Variants in CACNA1C observed in about 807,000 individuals in gnomAD.
The protein encoded by CACNA1C is voltage-dependent L-type calcium channel subunit alpha-1C.
Under a neutral mutation model 229.0 loss-of-function variants are expected in CACNA1C, and 30 were observed. The ratio of observed to expected loss-of-function variants is 0.13; its 90% CI spans 0.10 to 0.18. CACNA1C has a LOEUF of 0.18. Ranked by LOEUF, CACNA1C falls within the 10% of genes least tolerant of loss-of-function variation. The pLI is 1.00. For synonymous variants in CACNA1C, 1,114 were observed against 1,132.5 expected, an observed-to-expected ratio of 0.98 and a Z score of 0.33; for missense variants, 1,658 against 2,845.0, an observed-to-expected ratio of 0.58 and a Z score of 9.49.
At chr12:2,517,781 G>A (rs150617586) in intron 9 of CACNA1C, among the ~76,000 whole-genome samples, 4 of 152,278 alleles carry the variant, frequency 2.6e-5, no homozygotes, top group African/African-American at 9.6e-5. Flanking sequence ...TTCCAGCTCC[G>A]ACGTTAAATC....
At chr12:2,584,350 G>A (rs2061637417) in intron 15 of CACNA1C, among the ~76,000 whole-genome samples, 153 bp from the exon 16 acceptor site, 1 of 152,072 alleles carries the variant, frequency 6.6e-6, no homozygotes, top group Admixed American at 6.5e-5. Context: ...GGGAGGGGAG[G>A]AACACTGTTG....
chr12:2,600,729 C>T (rs567788756), intron 21 of CACNA1C, among the ~76,000 whole-genome samples: 2 of 152,356 alleles, frequency 1.3e-5, no homozygotes, highest in South Asian at 4.1e-4. Flanking sequence ...TGTGTGTTCT[C>T]TTTTTAAAAG....
chr12:2,004,436 C>T (rs528219256), intron 1 of CACNA1C: 147 of 1,606,766 alleles, frequency 9.1e-5, no homozygotes, highest in Non-Finnish European at 1.2e-4. Context: ...TGCCATCTTC[C>T]CTCCCTCCCA....
At position 2,319,731 on chromosome 12, in the gene CACNA1C, G is replaced by T. The variant is rs372451096; in HGVS notation, c.478-129245G>T. Among the ~76,000 whole-genome samples, 6 of 152,272 alleles carry T rather than the reference G, an allele frequency of 3.9e-5. No homozygotes were observed. The East Asian group carries it at 1.2e-3, about 29-fold the overall frequency. On this transcript the variant is annotated intron_variant, in intron 3 of 46. Transcript: ENST00000399655. The surrounding 1 kb of genome is among the most constrained non-coding windows in gnomAD (Gnocchi z 4.0). ...TGCAAATGTTGGTGCTCACGGGGGT[G>T]TGCTGGGCCGGGAGAGGATGAGCAT...
At chr12:2,474,805 C>A (rs1357371017) in intron 5 of CACNA1C, among the ~76,000 whole-genome samples, 1 of 151,478 alleles carries the variant, frequency 6.6e-6, no homozygotes, top group Non-Finnish European at 1.5e-5. Context: ...GAAATGCAGG[C>A]CACTTTTTCT....
At chr12:2,185,542 G>A (rs2096971432) in intron 3 of CACNA1C, among the ~76,000 whole-genome samples, 1 of 152,324 alleles carries the variant, frequency 6.6e-6, no homozygotes, top group Middle Eastern at 3.4e-3. Flanking sequence ...AATATGATTG[G>A]ATTTATAAAA....
At position 2,602,447 on chromosome 12, in the gene CACNA1C, C is replaced by T. The variant is rs542958618; in HGVS notation, c.2960+487C>T. On this transcript the variant is annotated intron_variant, in intron 22 of 46. Transcript: ENST00000399655. This position sits in a 1 kb window ranked among gnomAD's most constrained non-coding sequence, Gnocchi z 4.4. ...TGTAAGTGTGGGGTGTATGTGTGCACGTGTGTGGATGTGTGGGGTGTGTGT... is the reference window on the plus strand; with the variant it reads ...TGTAAGTGTGGGGTGTATGTGTGCATGTGTGTGGATGTGTGGGGTGTGTGT... 7.9e-5 allele frequency among the ~76,000 whole-genome samples: 12 copies of T among 151,616 alleles called. No homozygotes were observed. The highest frequency in any genetic ancestry group is 7.8e-4 in the East Asian group (4 of 5,152).
At chr12:2,258,521 C>T (rs1050512648) in intron 3 of CACNA1C, among the ~76,000 whole-genome samples, 4 of 152,002 alleles carry the variant, frequency 2.6e-5, no homozygotes, top group African/African-American at 9.7e-5. Context: ...CTTTGGAGGA[C>T]GGTGTTATCT....
chr12:2,564,948 C>G (rs1221850575), intron 11 of CACNA1C, among the ~76,000 whole-genome samples: 1 of 152,152 alleles, frequency 6.6e-6, no homozygotes, highest in African/African-American at 2.4e-5. Context: ...CCTGCAGTCT[C>G]CTCCTCAGCA....
chr12:2,528,610 C>G (rs1158007269), intron 9 of CACNA1C, among the ~76,000 whole-genome samples: 1 of 152,224 alleles, frequency 6.6e-6, no homozygotes, highest in African/African-American at 2.4e-5. Context: ...ATGTGCCAAT[C>G]ACGGAGACAC....
At chr12:2,300,626 A>G (rs1395589212) in intron 3 of CACNA1C, among the ~76,000 whole-genome samples, 1 of 152,190 alleles carries the variant, frequency 6.6e-6, no homozygotes, top group African/African-American at 2.4e-5. Flanking sequence ...CCTTCTCTAA[A>G]AAAATAATAA....
intron 3 of CACNA1C, among the ~76,000 whole-genome samples, chr12:2,200,848 C>T (rs1268623748): frequency 6.6e-6 from 1 of 152,096 alleles, no homozygotes; most frequent in African/African-American, 2.4e-5. Context: ...AGGAGTCAGA[C>T]AGCAAGTGCT....
rs188158726 is a variant in CACNA1C at position 2,081,927 on chromosome 12, C to T, written c.49+28316C>T. Reference sequence around the variant, plus strand: ...TCACTAGAATAACAACTAATATATGCGGAGTTCTTACTGTGTGCCAAGGTC... The same window carrying T: ...TCACTAGAATAACAACTAATATATGTGGAGTTCTTACTGTGTGCCAAGGTC... On this transcript the variant is annotated intron_variant, in intron 1 of 46. Coordinates refer to ENST00000399655, the MANE Select transcript of CACNA1C (RefSeq NM_000719.7). 1.7e-4 allele frequency among the ~76,000 whole-genome samples: 26 copies of T among 152,234 alleles called. No homozygotes were observed. The East Asian group carries it at 3.9e-3, about 23-fold the overall frequency.
At chr12:2,177,587 C>CCCTTCCTTCCTTCCTT (rs1555274712) in intron 3 of CACNA1C, among the ~76,000 whole-genome samples, 26 of 78,520 alleles carry the variant, frequency 3.3e-4, no homozygotes, top group Non-Finnish European at 4.5e-4. Flanking sequence ...CTCCCTCCCT[C>CCCTTCCTTCCTTCCTT]CCTTCCTTCC....
chr12:2,643,087 C>T (rs1035348788), intron 30 of CACNA1C, among the ~76,000 whole-genome samples: 1 of 152,192 alleles, frequency 6.6e-6, no homozygotes, highest in Non-Finnish European at 1.5e-5. Context: ...GCTGGGAGCC[C>T]GGCTGCCAGT....
intron 13 of CACNA1C, among the ~76,000 whole-genome samples, chr12:2,578,237 G>T (rs1391428727): frequency 6.6e-6 from 1 of 152,224 alleles, no homozygotes; most frequent in African/African-American, 2.4e-5. Context: ...GCCTGAAGGA[G>T]CTGAAGGGGT....
chr12:2,374,038 T>C (rs1443361848), intron 3 of CACNA1C, among the ~76,000 whole-genome samples: 1 of 152,232 alleles, frequency 6.6e-6, no homozygotes, highest in Non-Finnish European at 1.5e-5. Context: ...TCAAGGGACC[T>C]GGCCCACATC....
At chr12:2,217,702 G>A (rs911483182) in intron 3 of CACNA1C, 6 of 151,664 alleles carry the variant, frequency 4.0e-5, no homozygotes, top group African/African-American at 1.5e-4. Flanking sequence ...GGTGGAGTAA[G>A]TGAGGTGACA....
chr12:2,651,849 C>G lies in CACNA1C; in HGVS notation c.4074+81C>G. ...AGAACACAGCTGACACAAGGAGGAG[C>G]CCTCCACTCTGGGGCCCTGCTCCTT... On this transcript the variant is annotated intron_variant, in intron 32 of 46. Transcript: ENST00000399655. The surrounding 1 kb of genome is among the most constrained non-coding windows in gnomAD (Gnocchi z 5.4). 1 of 1,157,104 alleles carries G rather than the reference C, an allele frequency of 8.6e-7. No individual in the cohort carries two copies. Among genetic ancestry groups the G allele is most frequent in the Non-Finnish European group, 1.2e-6 (1 of 823,170 alleles). 71.7% of individuals were successfully genotyped at this position (1,157,104 alleles called of 1,614,324 possible). A position where few individuals can be genotyped will look rare whatever the true frequency, so the allele number is the denominator to read the frequency against.
Sources: gnomAD v4.1 joint callset for allele counts (sites outside exome capture counted in the v4.1 genomes callset) on GRCh38, gnomAD v4.1.1 for gene constraint, Gnocchi (gnomAD v3.1) non-coding constraint, MANE v1.5 for transcripts, NCBI Gene and HGNC (gene_info 2026-07-23, HGNC 2026-07-21) for gene names.